Variants in IQCH observed in about 807,000 individuals in gnomAD.
The protein encoded by IQCH is IQ motif containing H.
A neutral mutation model predicts 117.0 loss-of-function variants in IQCH; 98 were observed. The ratio of observed to expected loss-of-function variants is 0.84; its 90% CI spans 0.71 to 0.99. The LOEUF is 0.99. Ranked by LOEUF, IQCH falls within the 50% of genes least tolerant of loss-of-function variation. The probability of loss-of-function intolerance (pLI) is 0.00; values close to 1 mark genes in which losing one functional copy is unlikely to be tolerated. For missense variants in IQCH, 1,102 were observed against 1,243.8 expected, an observed-to-expected ratio of 0.89 and a Z score of 1.72; for synonymous variants, 412 against 448.2, an observed-to-expected ratio of 0.92 and a Z score of 1.02.
At chr15:67,434,119 A>G (rs2082077055) in intron 16 of IQCH, among the ~76,000 whole-genome samples, 1 of 152,062 alleles carries the variant, frequency 6.6e-6, no homozygotes, top group African/African-American at 2.4e-5. Flanking sequence ...CTCTTAGCAA[A>G]TTTCAGGTAT....
chr15:67,290,458 T>A (rs973747510), intron 4 of IQCH, among the ~76,000 whole-genome samples: 2 of 152,134 alleles, frequency 1.3e-5, no homozygotes, highest in Non-Finnish European at 2.9e-5. Context: ...GTGGTGATGA[T>A]GTTATGAACA....
At chr15:67,334,373 T>C (rs752052462) in intron 4 of IQCH, among the ~76,000 whole-genome samples, 3 of 151,984 alleles carry the variant, frequency 2.0e-5, no homozygotes, top group South Asian at 2.1e-4. Context: ...CATCCTACCC[T>C]CCTTCTCATA....
At chr15:67,351,121 G>A (rs937129028) in intron 6 of IQCH, among the ~76,000 whole-genome samples, 5 of 152,222 alleles carry the variant, frequency 3.3e-5, no homozygotes, top group Admixed American at 6.5e-5. Flanking sequence ...TGTGCTGAAC[G>A]TGCAGGTTTG....
chr15:67,438,724 G>A (rs769236988), intron 16 of IQCH, among the ~76,000 whole-genome samples: 6 of 152,206 alleles, frequency 3.9e-5, no homozygotes, highest in African/African-American at 7.2e-5. Flanking sequence ...GGCATTTCAT[G>A]CAACCGGACA....
At position 67,501,622 on chromosome 15, in the gene IQCH, A is replaced by G. The variant is rs527350682; in HGVS notation, c.*876A>G. The G allele has an allele frequency of 3.3e-5, 5 of 152,252 alleles. No homozygotes were observed. Among genetic ancestry groups the G allele is most frequent in the Non-Finnish European group, 7.3e-5 (5 of 68,038 alleles). The allele number at this position is 152,252 out of a possible 1,614,324, so 9.4% of individuals were successfully genotyped here. On this transcript the variant is annotated 3_prime_UTR_variant, in exon 21 of 21. Transcript: ENST00000335894. The surrounding 1 kb of genome is among the most constrained non-coding windows in gnomAD (Gnocchi z 5.2). ...AGTGAGCTTTACTGAAGGGTGAAAT[A>G]AAAGCAAATTACAACACCAAAACCA...
chr15:67,261,093 CAA>C (rs5813432), intron 1 of IQCH, among the ~76,000 whole-genome samples, 177 bp from the exon 2 acceptor site: 9 of 126,428 alleles, frequency 7.1e-5, no homozygotes, highest in Admixed American at 2.4e-4. Context: ...AATTCCATCT[CAA>C]AAAAAAAAAA....
chr15:67,325,568 A>C lies in IQCH; in HGVS notation c.388-11407A>C, dbSNP rs1968369040. Among the ~76,000 whole-genome samples, 5 of 152,232 alleles carry C rather than the reference A, an allele frequency of 3.3e-5. No homozygotes were observed. In the South Asian group the frequency reaches 1.0e-3, roughly 32 times the overall value. On this transcript the variant is annotated intron_variant, in intron 4 of 20. Transcript: ENST00000335894. Reference sequence around the variant, plus strand: ...AAGTATGTACATATAATTATTTATAATCATATATGTATTGTTTGCTAAGTG... The same window carrying C: ...AAGTATGTACATATAATTATTTATACTCATATATGTATTGTTTGCTAAGTG...
At position 67,369,328 on chromosome 15, in the gene IQCH, C is replaced by T. The variant is rs940268664; in HGVS notation, c.754-2783C>T. On this transcript the variant is annotated intron_variant, in intron 8 of 20. Coordinates refer to ENST00000335894, the MANE Select transcript of IQCH (RefSeq NM_001031715.3). The surrounding 1 kb of genome is among the most constrained non-coding windows in gnomAD (Gnocchi z 5.2). ...GGCCAATTAGTGAATACAGGCATCT[C>T]GCAAAGGTATGATTGTGACCCAAGA... Among the ~76,000 whole-genome samples, 4 of 151,992 alleles carry T rather than the reference C, an allele frequency of 2.6e-5. No individual in the cohort carries two copies. Among genetic ancestry groups the T allele is most frequent in the Admixed American group, 1.3e-4 (2 of 15,260 alleles).
intron 10 of IQCH, among the ~76,000 whole-genome samples, chr15:67,375,987 A>G (rs1025416406): frequency 6.6e-6 from 1 of 151,962 alleles, no homozygotes; most frequent in Non-Finnish European, 1.5e-5. Context: ...GGGTTTCACC[A>G]TGTTGGCCAG....
intron 3 of IQCH, among the ~76,000 whole-genome samples, chr15:67,267,111 G>C (rs1266344148): frequency 1.3e-5 from 2 of 152,198 alleles, no homozygotes; most frequent in African/African-American, 4.8e-5. Flanking sequence ...CTCCAAAGCT[G>C]CAAGGGACGT....
At position 67,261,880 on chromosome 15, in the gene IQCH, G is replaced by A. The variant is rs548851288; in HGVS notation, c.174+486G>A. 4.3e-4 allele frequency among the ~76,000 whole-genome samples: 65 copies of A among 152,246 alleles called. 1 individual carries two copies. In the East Asian group the frequency reaches 9.1e-3, roughly 21 times the overall value. On this transcript the variant is annotated intron_variant, in intron 2 of 20. Coordinates refer to ENST00000335894, the MANE Select transcript of IQCH (RefSeq NM_001031715.3). Reference sequence around the variant, plus strand: ...GCAGGCAGGTCACTTGAGCCCAGGAGTTTGAGATCAGCCTGGGCAACATGG... The same window carrying A: ...GCAGGCAGGTCACTTGAGCCCAGGAATTTGAGATCAGCCTGGGCAACATGG...
intron 6 of IQCH, 119 bp from the exon 7 acceptor site, chr15:67,357,226 A>G (rs1457726275): frequency 1.4e-6 from 1 of 704,996 alleles, no homozygotes; most frequent in Non-Finnish European, 2.6e-6. Context: ...AAAGAAAGGT[A>G]GTGAGCGCAC....
At chr15:67,289,935 TC>T in intron 4 of IQCH, among the ~76,000 whole-genome samples, 2 of 152,272 alleles carry the variant, frequency 1.3e-5, no homozygotes, top group South Asian at 4.1e-4. Flanking sequence ...GCCTTTTTAT[TC>T]ACAGTCTAGA....
In IQCH at chr15:67,465,195, G is replaced by C; in HGVS notation, c.2574G>C (p.Leu858=). ...QLALTQLTLY[L]TNGHLDCSLS... ...CCCTGACTCAACTCACCTTATACCT[G>C]ACAAACGGCCATCTGGATTGCAGTT... The change falls in exon 17 of 21, where the codon CTG becomes CTC. Residue 858 remains leucine, a synonymous_variant. Transcript: ENST00000335894. The surrounding 1 kb of genome is among the most constrained non-coding windows in gnomAD (Gnocchi z 5.9). 4 of 1,614,124 alleles carry C rather than the reference G, an allele frequency of 2.5e-6. No homozygotes were observed. The highest frequency in any genetic ancestry group is 3.4e-6 in the Non-Finnish European group (4 of 1,180,024).
At chr15:67,255,467 A>G (rs1235238943) in intron 1 of IQCH, 1 of 155,842 alleles carries the variant, frequency 6.4e-6, no homozygotes, top group East Asian at 1.9e-4. Flanking sequence ...TTAAAAACTT[A>G]GTGAAAGACC....
chr15:67,423,905 A>G (rs1286711588), intron 16 of IQCH, among the ~76,000 whole-genome samples: 1 of 151,950 alleles, frequency 6.6e-6, no homozygotes, highest in East Asian at 1.9e-4. Context: ...AGAAAGAGAA[A>G]GGTAAAACTG....
chr15:67,400,180 G>A lies in IQCH; in HGVS notation c.1972G>A (p.Asp658Asn). The change falls in exon 14 of 21, where the codon GAC becomes AAC. Residue 658 changes from aspartate (D) to asparagine (N), a missense_variant. Around this residue, in one of 2 missense-constraint regions of IQCH, gnomAD observed 650 missense variants for 794.3 expected, o/e 0.82. Transcript: ENST00000335894. ...AATACAGCGTTGGCTCTTTAAAATGGACTCTGAGTTCCGAGGAAATGGGAC... is the reference window on the plus strand; with the variant it reads ...AATACAGCGTTGGCTCTTTAAAATGAACTCTGAGTTCCGAGGAAATGGGAC... ...LQIQRWLFKM[D>N]SEFRGNGTAF... The A allele has an allele frequency of 1.2e-6, 2 of 1,613,830 alleles. No individual in the cohort carries two copies. The highest frequency in any genetic ancestry group is 1.7e-6 in the Non-Finnish European group (2 of 1,179,820).
rs2081773349 is a variant in IQCH at position 67,422,417 on chromosome 15, C to T, written c.2505+840C>T. ...ATATAATCAATATCATGTGCCCCTGCCCAGCTTAAGAAACAAAGTGGTGTC... is the reference window on the plus strand; with the variant it reads ...ATATAATCAATATCATGTGCCCCTGTCCAGCTTAAGAAACAAAGTGGTGTC... On this transcript the variant is annotated intron_variant, in intron 16 of 20. Transcript: ENST00000335894. The surrounding 1 kb of genome is among the most constrained non-coding windows in gnomAD (Gnocchi z 4.7). 6.6e-6 allele frequency among the ~76,000 whole-genome samples: 1 copy of T among 152,100 alleles called. No individual in the cohort carries two copies. The highest frequency in any genetic ancestry group is 6.5e-5 in the Admixed American group (1 of 15,278).
At chr15:67,269,295 C>T (rs1399631340) in intron 3 of IQCH, among the ~76,000 whole-genome samples, 1 of 152,094 alleles carries the variant, frequency 6.6e-6, no homozygotes, top group Non-Finnish European at 1.5e-5. Flanking sequence ...AATGGGCATA[C>T]TTTTATCCTG....
Sources: allele counts gnomAD v4.1 joint callset (sites outside exome capture counted in the v4.1 genomes callset), GRCh38; gene constraint gnomAD v4.1.1; regional missense constraint gnomAD v4.1.1; non-coding constraint Gnocchi (gnomAD v3.1); transcripts MANE v1.5; gene names NCBI Gene and HGNC (gene_info 2026-07-23, HGNC 2026-07-21).